THSD7A: variants seen among roughly 807,000 people sequenced by gnomAD.
The protein encoded by THSD7A is thrombospondin type-1 domain-containing protein 7A.
Under a neutral mutation model 231.3 loss-of-function variants are expected in THSD7A, and 96 were observed. That is an observed-to-expected ratio of 0.41 (90% confidence interval 0.35 to 0.49). The LOEUF is 0.49. Ranked by LOEUF, THSD7A falls within the 20% of genes least tolerant of loss-of-function variation. The pLI, the probability that THSD7A is intolerant of heterozygous loss-of-function variation, is 0.05. For missense variants in THSD7A, 2,290 were observed against 2,070.2 expected (o/e 1.11, Z -2.06); for synonymous variants, 940 against 743.3 (o/e 1.26, Z -4.30).
chr7:11,739,851 T>C (rs1352464448), intron 1 of THSD7A, among the ~76,000 whole-genome samples: 1 of 151,886 alleles, frequency 6.6e-6, no homozygotes, highest in East Asian at 1.9e-4. Context: ...GTATCAGAAG[T>C]GCAATGCCAA....
At chr7:11,829,625 T>C (rs764118401) in intron 1 of THSD7A, among the ~76,000 whole-genome samples, 10 of 152,138 alleles carry the variant, frequency 6.6e-5, no homozygotes, top group Non-Finnish European at 1.5e-4. Flanking sequence ...TGTCACCTCT[T>C]TTCTCTTCCA....
In THSD7A at chr7:11,417,561, C is replaced by T; in HGVS notation, c.3426G>A (p.Glu1142=). 6.2e-7 allele frequency: 1 copy of T among 1,613,256 alleles called. No individual in the cohort carries two copies. The highest frequency in any genetic ancestry group is 8.5e-7 in the Non-Finnish European group (1 of 1,179,664). ...NTADGPSEHV[E]DYLCDPEEMP... ...TCTCTTCTGGGTCACAGAGGTAATC[C>T]TCTACATGTTCAGAAGGGCCATCTG... is the stretch of plus-strand genomic sequence containing the variant. The change falls in exon 17 of 28, where the codon GAG becomes GAA. Residue 1142 remains glutamate, a synonymous_variant. Transcript: ENST00000423059.
At chr7:11,744,923 A>G (rs1583249665) in intron 1 of THSD7A, among the ~76,000 whole-genome samples, 1 of 152,180 alleles carries the variant, frequency 6.6e-6, no homozygotes, top group East Asian at 1.9e-4. Flanking sequence ...GTGTCTTTAT[A>G]GCAGCATGTT....
intron 1 of THSD7A, among the ~76,000 whole-genome samples, chr7:11,789,156 G>A (rs1783876234): frequency 6.6e-6 from 1 of 151,884 alleles, no homozygotes; most frequent in Non-Finnish European, 1.5e-5. Context: ...CTTCCAAGCA[G>A]AAGGAATTGC....
chr7:11,448,843 A>G (rs1405244463), intron 11 of THSD7A, among the ~76,000 whole-genome samples: 3 of 152,124 alleles, frequency 2.0e-5, no homozygotes, highest in Non-Finnish European at 4.4e-5. Context: ...TTCATTTAGT[A>G]CACATGACTT....
At chr7:11,599,239 G>A (rs749946397) in intron 2 of THSD7A, among the ~76,000 whole-genome samples, 2 of 152,182 alleles carry the variant, frequency 1.3e-5, no homozygotes, top group Non-Finnish European at 2.9e-5. Context: ...CCAAATCCAG[G>A]CAGGACTACA....
intron 24 of THSD7A, among the ~76,000 whole-genome samples, chr7:11,380,026 T>G (rs1168298113): frequency 6.6e-6 from 1 of 152,198 alleles, no homozygotes; most frequent in African/African-American, 2.4e-5. Context: ...CAGGAGCACA[T>G]GAATCCAAGT....
intron 6 of THSD7A, among the ~76,000 whole-genome samples, chr7:11,510,178 C>G (rs1042625688): frequency 6.6e-6 from 1 of 152,094 alleles, no homozygotes; most frequent in Non-Finnish European, 1.5e-5. Context: ...GATAAAGAAA[C>G]TGTTTTAAAT....
At chr7:11,746,877 TA>T (rs931203377) in intron 1 of THSD7A, among the ~76,000 whole-genome samples, 1 of 151,862 alleles carries the variant, frequency 6.6e-6, no homozygotes, top group African/African-American at 2.4e-5. Flanking sequence ...AAATCTTCTA[TA>T]AGGAAGATTG....
chr7:11,649,526 T>C (rs73292663), intron 1 of THSD7A, among the ~76,000 whole-genome samples: 15,625 of 152,078 alleles, frequency 0.1, 1,016 homozygotes, highest in Non-Finnish European at 0.15. Context: ...GAATGGCATA[T>C]TGAAAGTGTG....
At chr7:11,461,990 G>A (rs1233004344) in intron 10 of THSD7A, 21 bp downstream of exon 10, 6 of 1,609,096 alleles carry the variant, frequency 3.7e-6, no homozygotes, top group East Asian at 4.5e-5. Context: ...CCTCCCTCAC[G>A]ATGCATTTCT....
intron 4 of THSD7A, among the ~76,000 whole-genome samples, chr7:11,546,210 A>G (rs1278819973): frequency 6.5e-5 from 7 of 108,302 alleles, no homozygotes; most frequent in African/African-American, 1.5e-4. Context: ...GCGCTCACAC[A>G]CACACACACA....
chr7:11,532,057 T>C (rs977857178), intron 6 of THSD7A, among the ~76,000 whole-genome samples: 3 of 151,922 alleles, frequency 2.0e-5, no homozygotes, highest in Non-Finnish European at 4.4e-5. Context: ...TAAGTGACCA[T>C]TCAGCTGTTT....
At position 11,564,401 on chromosome 7, in the gene THSD7A, C is replaced by T. The variant is rs200045019; in HGVS notation, c.1454-21284G>A. Reference sequence around the variant, plus strand: ...CAGCTGGTCTGCTGCCTGAATGCTGCGTGTCAGCAAGTTAGGAGGATATTT... The same window carrying T: ...CAGCTGGTCTGCTGCCTGAATGCTGTGTGTCAGCAAGTTAGGAGGATATTT... On this transcript the variant is annotated intron_variant, in intron 4 of 27. Coordinates refer to ENST00000423059, the MANE Select transcript of THSD7A (RefSeq NM_015204.3). 1.1e-4 allele frequency among the ~76,000 whole-genome samples: 16 copies of T among 152,286 alleles called. No homozygotes were observed. In the East Asian group the frequency reaches 2.9e-3, roughly 28 times the overall value.
At chr7:11,524,052 C>A (rs1414628299) in intron 6 of THSD7A, among the ~76,000 whole-genome samples, 4 of 151,940 alleles carry the variant, frequency 2.6e-5, no homozygotes, top group Admixed American at 6.6e-5. Flanking sequence ...CTTTTAGGTT[C>A]TTTTTATTTA....
At chr7:11,391,791 T>C (rs1262047218) in intron 23 of THSD7A, among the ~76,000 whole-genome samples, 2 of 151,740 alleles carry the variant, frequency 1.3e-5, no homozygotes, top group East Asian at 2.0e-4. Context: ...AAGACTGCGA[T>C]GTATCTGGGC....
chr7:11,529,106 A>T (rs1788596301), intron 6 of THSD7A, among the ~76,000 whole-genome samples: 1 of 152,134 alleles, frequency 6.6e-6, no homozygotes, highest in South Asian at 2.1e-4. Flanking sequence ...GTGCATTTCT[A>T]ATCTACTCTA....
At chr7:11,704,641 C>T (rs991484893) in intron 1 of THSD7A, among the ~76,000 whole-genome samples, 1 of 150,946 alleles carries the variant, frequency 6.6e-6, no homozygotes, top group Non-Finnish European at 1.5e-5. Context: ...TGATCTTATT[C>T]ATCTTATTCA....
intron 1 of THSD7A, among the ~76,000 whole-genome samples, chr7:11,665,888 C>T (rs1036464002): frequency 6.6e-6 from 1 of 152,028 alleles, no homozygotes; most frequent in African/African-American, 2.4e-5. Context: ...TTTAAAAAGA[C>T]AACATATAGT....
Sources: gnomAD v4.1 joint callset for allele counts (sites outside exome capture counted in the v4.1 genomes callset) on GRCh38, gnomAD v4.1.1 for gene constraint, MANE v1.5 for transcripts, NCBI Gene and HGNC (gene_info 2026-07-23, HGNC 2026-07-21) for gene names.